COL5A1: variants seen among roughly 807,000 people sequenced by gnomAD.
COL5A1 encodes the protein collagen type V alpha 1 chain.
COL5A1 carries 16 observed loss-of-function variants against 263.7 expected under a neutral mutation model. The ratio of observed to expected loss-of-function variants is 0.06; its 90% CI spans 0.04 to 0.09. The LOEUF is 0.09. Ranked by LOEUF, COL5A1 falls within the 10% of genes least tolerant of loss-of-function variation. The probability of loss-of-function intolerance (pLI) is 1.00; values close to 1 mark genes in which losing one functional copy is unlikely to be tolerated. For missense variants in COL5A1, 2,036 were observed against 2,540.5 expected, an observed-to-expected ratio of 0.80 and a Z score of 4.27; for synonymous variants, 1,012 against 1,004.5, an observed-to-expected ratio of 1.01 and a Z score of -0.14.
chr9:134,654,703 G>A (rs1251410469), intron 1 of COL5A1, among the ~76,000 whole-genome samples: 1 of 129,288 alleles, frequency 7.7e-6, no homozygotes, highest in African/African-American at 3.0e-5. Context: ...GTGTAGGGCT[G>A]TAGGTGTGTA....
At chr9:134,675,213 T>C (rs1490998759) in intron 1 of COL5A1, among the ~76,000 whole-genome samples, 3 of 152,198 alleles carry the variant, frequency 2.0e-5, no homozygotes, top group Non-Finnish European at 4.4e-5. Context: ...AATTCAGTGT[T>C]AAACTCCCAT....
In COL5A1 at chr9:134,820,133, C is replaced by A. The variant is rs148669237; in HGVS notation, c.4464C>A (p.Ile1488=). ...TCCCACAGGGTCATCCAGGCCTGAT[C>A]GGGCTCATCGGTCCTCCGGGTGAAC... ...PKGEKGHPGL[I]GLIGPPGEQG... The change falls in exon 58 of 66, where the codon ATC becomes ATA. Residue 1488 remains isoleucine, a synonymous_variant. Transcript: ENST00000371817. 8 of 1,613,952 alleles carry A rather than the reference C, an allele frequency of 5.0e-6. 1 individual carries two copies. Among genetic ancestry groups the A allele is most frequent in the Non-Finnish European group, 6.8e-6 (8 of 1,179,938 alleles).
chr9:134,698,096 CA>C (rs929949983), intron 2 of COL5A1, among the ~76,000 whole-genome samples: 103 of 152,234 alleles, frequency 6.8e-4, no homozygotes, highest in African/African-American at 2.1e-3. Flanking sequence ...AAAAACCCCA[CA>C]AAAAAACCCA....
intron 24 of COL5A1, 63 bp downstream of exon 24, chr9:134,767,417 C>A: frequency 6.8e-7 from 1 of 1,476,678 alleles, no homozygotes; most frequent in South Asian, 1.1e-5. Context: ...CCTGGCCCCA[C>A]CCTGGGAGGA....
Position 134,834,995 on chromosome 9 carries a change from A to G in COL5A1, c.5161A>G (p.Asn1721Asp). 1.2e-6 allele frequency: 2 copies of G among 1,613,710 alleles called. No homozygotes were observed. Among genetic ancestry groups the G allele is most frequent in the Non-Finnish European group, 1.7e-6 (2 of 1,180,000 alleles). ...GCTCTCCTATGTGGACGCCGAGGGC[A>G]ACCCTGTGGGTGTGGTACAGATGAC... ...KLLSYVDAEG[N>D]PVGVVQMTFL... is the part of the protein sequence containing the mutation. Residue 1721 changes from asparagine (N) to aspartate (D), a missense_variant, in exon 65 of 66, where the codon AAC becomes GAC. By Grantham distance (23) the Asn-to-Asp change is conservative. Transcript: ENST00000371817.
rs1350082546 is a variant in COL5A1 at position 134,722,178 on chromosome 9, T to G, written c.655-5088T>G. On this transcript the variant is annotated intron_variant, in intron 4 of 65. Transcript: ENST00000371817. ...CACGTGCATTTGCAGAGGAGGGGGT[T>G]CTCGAAGTGAAGGGACCTCATGCCC... 2.6e-5 allele frequency among the ~76,000 whole-genome samples: 4 copies of G among 152,180 alleles called. No homozygotes were observed. In the East Asian group the frequency reaches 7.7e-4, roughly 29 times the overall value.
chr9:134,729,463 G>C (rs1834788889), intron 6 of COL5A1, among the ~76,000 whole-genome samples: 1 of 152,066 alleles, frequency 6.6e-6, no homozygotes, highest in Non-Finnish European at 1.5e-5. Context: ...ACGAGTGTGT[G>C]TGAGCATGTG....
At chr9:134,750,762 CAG>C (rs771824533) in intron 12 of COL5A1, 26 bp from the exon 13 acceptor site, 1 of 1,611,688 alleles carries the variant, frequency 6.2e-7, no homozygotes, top group Non-Finnish European at 8.5e-7. Flanking sequence ...TCACTGCTCC[CAG>C]AGTGACCCTT....
At chr9:134,676,529 C>T (rs1204781675) in intron 1 of COL5A1, among the ~76,000 whole-genome samples, 1 of 133,550 alleles carries the variant, frequency 7.5e-6, no homozygotes, top group Non-Finnish European at 1.6e-5. Context: ...CTGTAGGATT[C>T]AGCCCTAAAG....
At chr9:134,760,767 G>A (rs559814360) in intron 18 of COL5A1, among the ~76,000 whole-genome samples, 26 of 89,822 alleles carry the variant, frequency 2.9e-4, no homozygotes, top group Non-Finnish European at 3.9e-4. Context: ...ACACATACAC[G>A]AACACCACCT....
chr9:134,761,950 C>T lies in COL5A1; in HGVS notation c.1961C>T (p.Pro654Leu), dbSNP rs1564442362. The change falls in exon 19 of 66, where the codon CCA becomes CTA. Residue 654 changes from proline (P) to leucine (L), a missense_variant. Pro to Leu is a moderately conservative substitution (Grantham distance 98). Around this residue, in one of 3 missense-constraint regions of COL5A1, gnomAD observed 1,078 missense variants for 1,521.4 expected, o/e 0.71. Coordinates refer to ENST00000371817, the MANE Select transcript of COL5A1 (RefSeq NM_000093.5). ...HRGDPGPSGP[P>L]GPPGDDGERG... is the part of the protein sequence containing the mutation. ...GGTGACCCTGGTCCTTCCGGCCCACCAGGACCTCCGGGAGACGATGGAGAA... is the reference window on the plus strand; with the variant it reads ...GGTGACCCTGGTCCTTCCGGCCCACTAGGACCTCCGGGAGACGATGGAGAA... 1.2e-6 allele frequency: 2 copies of T among 1,613,456 alleles called. No individual in the cohort carries two copies. The highest frequency in any genetic ancestry group is 1.3e-5 in the African/African-American group (1 of 74,916).
intron 65 of COL5A1, among the ~76,000 whole-genome samples, chr9:134,840,912 T>C (rs1355798371): frequency 5.9e-5 from 9 of 152,098 alleles, no homozygotes; most frequent in African/African-American, 2.2e-4. Context: ...ACGGGAACAT[T>C]AAGATCATAG....
chr9:134,676,758 A>G (rs998897031), intron 1 of COL5A1, among the ~76,000 whole-genome samples: 1 of 152,058 alleles, frequency 6.6e-6, no homozygotes, highest in Non-Finnish European at 1.5e-5. Flanking sequence ...TGGTTTGTTC[A>G]TTTGTTCCTT....
At chr9:134,817,690 C>A in intron 53 of COL5A1, 88 bp from the exon 54 acceptor site, 1 of 1,232,500 alleles carries the variant, frequency 8.1e-7, no homozygotes, top group Non-Finnish European at 1.2e-6. Context: ...AGGCCACACA[C>A]ACACACACCC....
intron 18 of COL5A1, among the ~76,000 whole-genome samples, chr9:134,761,009 GCC>G (rs1836406476): frequency 7.6e-6 from 1 of 132,438 alleles, no homozygotes; most frequent in Admixed American, 7.8e-5. Flanking sequence ...GTGCACACCA[GCC>G]ACACACGCAT....
chr9:134,830,671 A>C (rs959422938), intron 64 of COL5A1, among the ~76,000 whole-genome samples: 8 of 152,202 alleles, frequency 5.3e-5, no homozygotes, highest in Admixed American at 5.2e-4. Context: ...GCAGATTCCC[A>C]GTTACACTGC....
intron 49 of COL5A1, 33 bp downstream of exon 49, chr9:134,814,069 T>A (rs1479415144): frequency 1.9e-6 from 3 of 1,548,412 alleles, no homozygotes; most frequent in Non-Finnish European, 2.6e-6. Context: ...AGGGGTGGGA[T>A]ATGGCCGAGC....
At chr9:134,655,524 C>T (rs1463261385) in intron 1 of COL5A1, among the ~76,000 whole-genome samples, 4 of 152,132 alleles carry the variant, frequency 2.6e-5, no homozygotes, top group Non-Finnish European at 5.9e-5. Flanking sequence ...AGAATAATAC[C>T]TGTCTCACAG....
At chr9:134,683,969 G>C (rs1277937253) in intron 1 of COL5A1, among the ~76,000 whole-genome samples, 1 of 152,234 alleles carries the variant, frequency 6.6e-6, no homozygotes, top group Non-Finnish European at 1.5e-5. Flanking sequence ...CCAGGCTCAG[G>C]TTCCGGATTC....
Sources: gnomAD v4.1 joint callset for allele counts (sites outside exome capture counted in the v4.1 genomes callset) on GRCh38, gnomAD v4.1.1 for gene constraint, gnomAD v4.1.1 regional missense constraint, MANE v1.5 for transcripts, NCBI Gene and HGNC (gene_info 2026-07-23, HGNC 2026-07-21) for gene names.